The following OR2L5 variants were observed in gnomAD, a reference collection of about 807,000 sequenced individuals.
OR2L5 encodes olfactory receptor family 2 subfamily L member 5.
For synonymous variants in OR2L5, 169 were observed against 142.0 expected, an observed-to-expected ratio of 1.19 and a Z score of -1.35; for missense variants, 413 against 381.6, an observed-to-expected ratio of 1.08 and a Z score of -0.69.
At chr1:248,018,175 G>C (rs900461899) in intron 1 of OR2L5, among the ~76,000 whole-genome samples, 1 of 149,652 alleles carries the variant, frequency 6.7e-6, no homozygotes, top group African/African-American at 2.5e-5. Context: ...AAAAAAATTC[G>C]TTATTTTTCT....
At position 248,021,790 on chromosome 1, in the gene OR2L5, T is replaced by G. The variant is rs374363903; in HGVS notation, c.-21-137T>G. ...TATAAATTAAAATTTATAATACATATTGATGGATATAAAAAATAGTGTATA... is the reference window on the plus strand; with the variant it reads ...TATAAATTAAAATTTATAATACATAGTGATGGATATAAAAAATAGTGTATA... On this transcript the variant is annotated intron_variant, in intron 1 of 1. Coordinates refer to ENST00000355281, the MANE Select transcript of OR2L5 (RefSeq NM_001258284.2). The G allele has an allele frequency of 1.1e-5, 6 of 538,020 alleles. No individual in the cohort carries two copies. The East Asian group carries it at 1.2e-4, about 11-fold the overall frequency. The allele number at this position is 538,020 out of a possible 1,614,324, so 33.3% of individuals were successfully genotyped here.
chr1:248,017,041 G>A (rs186744022), intron 1 of OR2L5, among the ~76,000 whole-genome samples: 3 of 152,144 alleles, frequency 2.0e-5, no homozygotes, highest in East Asian at 3.9e-4. Flanking sequence ...GATGCCTCCC[G>A]GGTTGAAGTT....
chr1:248,016,964 T>TTTCTGGC (rs1662214562), intron 1 of OR2L5, among the ~76,000 whole-genome samples: 1 of 152,160 alleles, frequency 6.6e-6, no homozygotes, highest in South Asian at 2.1e-4. Context: ...AATCCTGACA[T>TTTCTGGC]ATTGCAAGTG....
chr1:248,021,113 T>C (rs1427089221), intron 1 of OR2L5, among the ~76,000 whole-genome samples: 3 of 152,146 alleles, frequency 2.0e-5, no homozygotes, highest in African/African-American at 7.2e-5. Flanking sequence ...GCATTTGTTT[T>C]AAGCATAACA....
At chr1:248,021,280 G>C (rs1277137780) in intron 1 of OR2L5, among the ~76,000 whole-genome samples, 5 of 152,126 alleles carry the variant, frequency 3.3e-5, no homozygotes, top group African/African-American at 1.2e-4. Flanking sequence ...TCTGGATAGA[G>C]AATACGATTT....
At chr1:248,018,881 T>C (rs937794367) in intron 1 of OR2L5, among the ~76,000 whole-genome samples, 2 of 152,234 alleles carry the variant, frequency 1.3e-5, no homozygotes, top group Admixed American at 1.3e-4. Context: ...GGATACTTCA[T>C]GTAGGAGAAT....
rs1157500771 is a variant in OR2L5 at position 248,023,923 on chromosome 1, C to T, written c.*1037C>T. The T allele has an allele frequency of 6.6e-6, 1 of 152,114 alleles. No homozygotes were observed. Among genetic ancestry groups the T allele is most frequent in the Non-Finnish European group, 1.5e-5 (1 of 68,028 alleles). The allele number at this position is 152,114 out of a possible 1,614,324, so 9.4% of individuals were successfully genotyped here. A position where few individuals can be genotyped will look rare whatever the true frequency, so the allele number is the denominator to read the frequency against. On this transcript the variant is annotated 3_prime_UTR_variant, in exon 2 of 2. Transcript: ENST00000355281. ...TTTTTCTAAAGTTCTTTCTGTTGCT[C>T]TCAAATAGAATAATCTTCACTCTGG...
In OR2L5 at chr1:248,022,111, A is replaced by T. The variant is rs749025322; in HGVS notation, c.164A>T (p.His55Leu). ...ILLIFLDTHL[H>L]TPMYFLLSQL... Reference sequence around the variant, plus strand: ...CTCATCTTCTTGGACACCCATCTCCACACACCCATGTATTTCCTGCTTAGT... The same window carrying T: ...CTCATCTTCTTGGACACCCATCTCCTCACACCCATGTATTTCCTGCTTAGT... Residue 55 changes from histidine (H) to leucine (L), a missense_variant, in exon 2 of 2, where the codon CAC becomes CTC. By Grantham distance (99) the His-to-Leu change is moderately conservative. Coordinates refer to ENST00000355281, the MANE Select transcript of OR2L5 (RefSeq NM_001258284.2). 3 of 1,613,840 alleles carry T rather than the reference A, an allele frequency of 1.9e-6. No individual in the cohort carries two copies. The Admixed American group carries it at 5.0e-5, about 27-fold the overall frequency.
intron 1 of OR2L5, among the ~76,000 whole-genome samples, chr1:248,021,479 A>T (rs968655909): frequency 1.3e-5 from 2 of 152,172 alleles, no homozygotes; most frequent in Non-Finnish European, 2.9e-5. Flanking sequence ...TTGGGTGGAA[A>T]ATGCCACAAA....
chr1:248,017,169 A>C (rs75843443), intron 1 of OR2L5, among the ~76,000 whole-genome samples: 12,500 of 152,218 alleles, frequency 0.082, 643 homozygotes, highest in East Asian at 0.16. Context: ...AGAGTTATAA[A>C]AATAAAAGCA....
intron 1 of OR2L5, among the ~76,000 whole-genome samples, chr1:248,017,145 A>G (rs995676747): frequency 2.6e-5 from 4 of 152,184 alleles, no homozygotes; most frequent in Non-Finnish European, 5.9e-5. Flanking sequence ...ATGCCCAGGT[A>G]TATACATTTT....
chr1:248,016,310 A>AT (rs1305738396), intron 1 of OR2L5, among the ~76,000 whole-genome samples: 7 of 151,948 alleles, frequency 4.6e-5, no homozygotes, highest in Non-Finnish European at 8.8e-5. Flanking sequence ...TTACATGGGT[A>AT]TTTTTTTTGT....
chr1:248,022,532 G>C lies in OR2L5; in HGVS notation c.585G>C (p.Glu195Asp). 3 of 1,614,118 alleles carry C rather than the reference G, an allele frequency of 1.9e-6. No homozygotes were observed. The highest frequency in any genetic ancestry group is 2.5e-6 in the Non-Finnish European group (3 of 1,180,014). Residue 195 changes from glutamate to aspartate, a missense_variant, in exon 2 of 2, where the codon GAG (glutamate) becomes GAC (aspartate). Glu to Asp is a conservative substitution (Grantham distance 45, BLOSUM62 2). Transcript: ENST00000355281. ...TLACTDTWVY[E>D]YTVFLSSTIF... is the part of the protein sequence containing the mutation. ...CCTGTACAGACACCTGGGTCTATGA[G>C]TACACAGTGTTTTTGAGCAGCACCA...
chr1:248,017,740 A>C (rs2103074573), intron 1 of OR2L5, among the ~76,000 whole-genome samples: 1 of 152,230 alleles, frequency 6.6e-6, no homozygotes. Context: ...TGGGTTGTAA[A>C]TTGAGACAGT....
At chr1:248,020,846 C>T (rs1227786320) in intron 1 of OR2L5, among the ~76,000 whole-genome samples, 1 of 150,822 alleles carries the variant, frequency 6.6e-6, no homozygotes, top group Non-Finnish European at 1.5e-5. Context: ...GGTACATGTG[C>T]ACAACATGCT....
rs1558185840 is a variant in OR2L5, at chr1:248,021,910, CT to C, written c.-21-15del. On this transcript the variant is annotated splice_polypyrimidine_tract_variant and intron_variant, in intron 1 of 1. Transcript: ENST00000355281. ...GGGGAACTACTGTACTTGACTTACC[CT>C]TGTGTCTCCCTTCAGGAAGGATCGT... The C allele has an allele frequency of 6.5e-7, 1 of 1,539,700 alleles. No individual in the cohort carries two copies. Among genetic ancestry groups the C allele is most frequent in the East Asian group, 2.2e-5 (1 of 44,546 alleles).
At position 248,022,307 on chromosome 1, in the gene OR2L5, T is replaced by A; in HGVS notation, c.360T>A (p.Asp120Glu). Residue 120 changes from aspartate to glutamate, a missense_variant, in exon 2 of 2, where the codon GAT becomes GAA. Coordinates refer to ENST00000355281, the MANE Select transcript of OR2L5 (RefSeq NM_001258284.2). The stretch of plus-strand genomic sequence containing the variant: ...TGCTCCTGACATCAATGGCCTATGA[T>A]CGTTATGTGGCCATTTGCTTTCCTC... Reference protein sequence around the residue: ...EALLLTSMAYDRYVAICFPLH... With the variant: ...EALLLTSMAYERYVAICFPLH... 1 of 1,614,128 alleles carries A rather than the reference T, an allele frequency of 6.2e-7. No homozygotes were observed. Among genetic ancestry groups the A allele is most frequent in the Non-Finnish European group, 8.5e-7 (1 of 1,179,988 alleles).
Position 248,022,830 on chromosome 1 carries a change from G to T in OR2L5, c.883G>T (p.Glu295Ter), listed in dbSNP as rs757305763. The T allele has an allele frequency of 1.2e-6, 2 of 1,605,520 alleles. No homozygotes were observed. The highest frequency in any genetic ancestry group is 2.8e-5 in the African/African-American group (2 of 71,962). Residue 295 changes from glutamate (E) to a stop codon, truncating the protein, a stop_gained, in exon 2 of 2, where the codon GAG becomes TAG. Coordinates refer to ENST00000355281, the MANE Select transcript of OR2L5 (RefSeq NM_001258284.2). LOFTEE classifies it low-confidence loss of function (END_TRUNC). ...NPIIYSLRNK[E>*]VMGALTRVIQ... is the part of the protein sequence containing the mutation. ...CATCATCTACAGCCTGAGAAACAAG[G>T]AGGTGATGGGGGCCCTGACACGAGT... is the stretch of plus-strand genomic sequence containing the variant.
intron 1 of OR2L5, among the ~76,000 whole-genome samples, chr1:248,016,674 A>C (rs1284171503): frequency 1.3e-5 from 2 of 152,068 alleles, no homozygotes; most frequent in Non-Finnish European, 2.9e-5. Context: ...ATATTTGGAT[A>C]AACTAGACCA....
Sources: allele counts gnomAD v4.1 joint callset (sites outside exome capture counted in the v4.1 genomes callset), GRCh38; gene constraint gnomAD v4.1.1; transcripts MANE v1.5; gene names NCBI Gene and HGNC (gene_info 2026-07-23, HGNC 2026-07-21).